ESYT1: variants seen among roughly 807,000 people sequenced by gnomAD.
ESYT1 encodes the protein extended synaptotagmin-1.
ESYT1 carries 116 observed loss-of-function variants against 154.2 expected under a neutral mutation model. The observed-to-expected ratio is 0.75, with a 90% CI of 0.65 to 0.88. ESYT1 has a LOEUF of 0.88. ESYT1 is among the 40% of genes least tolerant of loss of function. The probability of loss-of-function intolerance (pLI) is 0.00; values close to 1 mark genes in which losing one functional copy is unlikely to be tolerated. For synonymous variants in ESYT1, 500 were observed against 539.9 expected, an observed-to-expected ratio of 0.93 and a Z score of 1.02; for missense variants, 1,264 against 1,379.3, an observed-to-expected ratio of 0.92 and a Z score of 1.32.
intron 12 of ESYT1, 38 bp downstream of exon 12, chr12:56,133,712 A>C: frequency 6.2e-7 from 1 of 1,613,430 alleles, no homozygotes; most frequent in Non-Finnish European, 8.5e-7. Context: ...GCAGGGGAGA[A>C]ATAGGTAGCT....
intron 13 of ESYT1, 25 bp from the exon 14 acceptor site, chr12:56,134,085 G>C: frequency 6.2e-7 from 1 of 1,613,702 alleles, no homozygotes; most frequent in Non-Finnish European, 8.5e-7. Context: ...CCAAGATGGT[G>C]ACCTCTGAAT....
Position 56,132,432 on chromosome 12 carries a change from A to T in ESYT1, c.996A>T (p.Arg332=), listed in dbSNP as rs1565873262. 3 of 1,614,046 alleles carry T rather than the reference A, an allele frequency of 1.9e-6. No individual in the cohort carries two copies. Among genetic ancestry groups the T allele is most frequent in the Non-Finnish European group, 1.7e-6 (2 of 1,180,012 alleles). Residue 332 remains arginine, a synonymous_variant, in exon 9 of 31, where the codon CGA becomes CGT. Transcript: ENST00000394048. The part of the protein sequence containing the change: ...LRSPLPRGII[R]IHLLAARGLS... ...ATTCCTTCCTCCAGGGCATTATTCG[A>T]ATTCACCTGCTGGCTGCTCGAGGGC...
At chr12:56,139,887 CTT>C (rs764181208) in intron 24 of ESYT1, among the ~76,000 whole-genome samples, 1 of 143,802 alleles carries the variant, frequency 7.0e-6, no homozygotes, top group Admixed American at 7.0e-5. Context: ...TGCACCCGGC[CTT>C]TTTTTTTTTA....
chr12:56,139,078 A>C, intron 24 of ESYT1, 65 bp downstream of exon 24: 1 of 1,259,272 alleles, frequency 7.9e-7, no homozygotes, highest in Non-Finnish European at 1.2e-6. Flanking sequence ...GAAACCAGGC[A>C]CAGAGCATTC....
chr12:56,128,297 C>A lies in ESYT1; in HGVS notation c.-23C>A. On this transcript the variant is annotated 5_prime_UTR_variant, in exon 1 of 31. Coordinates refer to ENST00000394048, the MANE Select transcript of ESYT1 (RefSeq NM_015292.3). ...ACCTCCAGCCAGTCCCTGGGTCGGG[C>A]GGATCCTCCCAGAGGTGGCACAATG... The A allele has an allele frequency of 6.3e-7, 1 of 1,591,420 alleles. No individual in the cohort carries two copies.
chr12:56,134,945 T>C (rs1358465708), intron 15 of ESYT1, among the ~76,000 whole-genome samples: 1 of 152,112 alleles, frequency 6.6e-6, no homozygotes, highest in Non-Finnish European at 1.5e-5. Flanking sequence ...TATGTGTGTC[T>C]TGTCTATGAA....
chr12:56,131,672 G>A (rs1464269260), intron 6 of ESYT1, 77 bp from the exon 7 acceptor site: 15 of 1,602,404 alleles, frequency 9.4e-6, no homozygotes, highest in East Asian at 2.2e-5. Context: ...CAAGAAGGCC[G>A]AGGGGTTCTG....
At chr12:56,135,313 G>A (rs562841679) in intron 15 of ESYT1, among the ~76,000 whole-genome samples, 30 of 151,016 alleles carry the variant, frequency 2.0e-4, no homozygotes, top group South Asian at 4.2e-4. Flanking sequence ...GGATTACAGG[G>A]ATGTGCCACC....
chr12:56,133,140 T>TA (rs1005964287), intron 10 of ESYT1, among the ~76,000 whole-genome samples: 3 of 151,312 alleles, frequency 2.0e-5, no homozygotes, highest in African/African-American at 4.9e-5. Flanking sequence ...AAAATAAAAA[T>TA]AAAAAAAATA....
At chr12:56,129,555 C>T (rs1050321638) in intron 1 of ESYT1, 1 of 152,406 alleles carries the variant, frequency 6.6e-6, no homozygotes, top group Non-Finnish European at 1.5e-5. Context: ...AGAGAGGAAT[C>T]AAAATTGACA....
intron 1 of ESYT1, chr12:56,129,165 C>A (rs2136866887): frequency 5.8e-6 from 1 of 171,336 alleles, no homozygotes; most frequent in Admixed American, 5.5e-5. Flanking sequence ...CCATACGGTT[C>A]TCTCTTTTCT....
chr12:56,128,342 G>A lies in ESYT1; in HGVS notation c.23G>A (p.Gly8Asp). 6.2e-7 allele frequency: 1 copy of A among 1,611,128 alleles called. No homozygotes were observed. The highest frequency in any genetic ancestry group is 8.5e-7 in the Non-Finnish European group (1 of 1,179,174). Reference protein sequence around the residue: MERSPGEGPSPSPMDQPS... With the variant: MERSPGEDPSPSPMDQPS... Reference sequence around the variant, plus strand: ...ACAATGGAGCGATCTCCAGGAGAGGGCCCCAGCCCCAGCCCCATGGACCAG... The same window carrying A: ...ACAATGGAGCGATCTCCAGGAGAGGACCCCAGCCCCAGCCCCATGGACCAG... Residue 8 changes from glycine to aspartate, a missense_variant, in exon 1 of 31, where the codon GGC (glycine) becomes GAC (aspartate). By Grantham distance (94) the Gly-to-Asp change is moderately conservative (BLOSUM62 -1). Coordinates refer to ENST00000394048, the MANE Select transcript of ESYT1 (RefSeq NM_015292.3).
Position 56,128,429 on chromosome 12 carries a change from G to A in ESYT1, c.110G>A (p.Gly37Asp), listed in dbSNP as rs745511283. The change falls in exon 1 of 31, where the codon GGT becomes GAT. Residue 37 changes from glycine to aspartate, a missense_variant. Gly to Asp is a moderately conservative substitution (Grantham distance 94, BLOSUM62 -1). Transcript: ENST00000394048. ...GCTGCTCACGCAAAGCCAGACCCAGGTTCTGGGGGCCAACCTGCTGGCCCT... is the reference window on the plus strand; with the variant it reads ...GCTGCTCACGCAAAGCCAGACCCAGATTCTGGGGGCCAACCTGCTGGCCCT... ...PPAAHAKPDPGSGGQPAGPGA... is the reference protein window; with the variant it reads ...PPAAHAKPDPDSGGQPAGPGA... The A allele has an allele frequency of 1.6e-5, 26 of 1,612,900 alleles. No individual in the cohort carries two copies. The highest frequency in any genetic ancestry group is 2.1e-5 in the Non-Finnish European group (25 of 1,179,444).
In ESYT1 at chr12:56,143,617, G is replaced by A; in HGVS notation, c.3263G>A (p.Gly1088Asp). 3 of 1,614,134 alleles carry A rather than the reference G, an allele frequency of 1.9e-6. No homozygotes were observed. The highest frequency in any genetic ancestry group is 2.5e-6 in the Non-Finnish European group (3 of 1,180,020). ...LDLAETDLSQGVARWYDLMDN... is the reference protein window; with the variant it reads ...LDLAETDLSQDVARWYDLMDN... ...CTAGCTGAGACAGACCTTTCCCAGGGTGTAGCCCGGTGGTGAGTGTCTGCG... is the reference window on the plus strand; with the variant it reads ...CTAGCTGAGACAGACCTTTCCCAGGATGTAGCCCGGTGGTGAGTGTCTGCG... Residue 1088 changes from glycine to aspartate, a missense_variant, in exon 30 of 31, where the codon GGT becomes GAT. Physicochemically the swap from Gly to Asp is moderately conservative, Grantham distance 94. Transcript: ENST00000394048.
Position 56,142,598 on chromosome 12 carries a change from G to A in ESYT1, c.2754G>A (p.Ser918=), listed in dbSNP as rs552134636. ...CCTAGATCCTGGTGTCCCAGCACTCGGGAGTGGAAGCTCATAGCCACAGCT... is the reference window on the plus strand; with the variant it reads ...CCTAGATCCTGGTGTCCCAGCACTCAGGAGTGGAAGCTCATAGCCACAGCT... ...AQLGILVSQH[S]GVEAHSHSYS... is the part of the protein sequence containing the mutation. Residue 918 remains serine, a synonymous_variant, in exon 26 of 31, where the codon TCG becomes TCA. Coordinates refer to ENST00000394048, the MANE Select transcript of ESYT1 (RefSeq NM_015292.3). The surrounding 1 kb of genome is among the most constrained non-coding windows in gnomAD (Gnocchi z 4.1). The A allele has an allele frequency of 9.0e-5, 146 of 1,614,094 alleles. No individual in the cohort carries two copies. The highest frequency in any genetic ancestry group is 7.7e-4 in the Admixed American group (46 of 60,028).
At position 56,144,070 on chromosome 12, in the gene ESYT1, GC is replaced by G; in HGVS notation, c.*212del. On this transcript the variant is annotated 3_prime_UTR_variant, in exon 31 of 31. Transcript: ENST00000394048. Reference sequence around the variant, plus strand: ...TACTGCACGGCCTTTATCCTTCTGGGCCCCTGGGGCGGGGACCTGAGCTGGC... The same window carrying G: ...TACTGCACGGCCTTTATCCTTCTGGGCCCTGGGGCGGGGACCTGAGCTGGC... 1 of 1,430,078 alleles carries G rather than the reference GC, an allele frequency of 7.0e-7. No homozygotes were observed. The highest frequency in any genetic ancestry group is 9.1e-7 in the Non-Finnish European group (1 of 1,095,624). 88.6% of individuals were successfully genotyped at this position (1,430,078 alleles called of 1,614,324 possible).
At chr12:56,140,068 A>G (rs1870628783) in intron 24 of ESYT1, among the ~76,000 whole-genome samples, 1 of 151,912 alleles carries the variant, frequency 6.6e-6, no homozygotes, top group African/African-American at 2.4e-5. Flanking sequence ...AGGTTTTACC[A>G]TGTCATCCAG....
chr12:56,144,412 A>G lies in ESYT1; in HGVS notation c.*550A>G. On this transcript the variant is annotated 3_prime_UTR_variant, in exon 31 of 31. Coordinates refer to ENST00000394048, the MANE Select transcript of ESYT1 (RefSeq NM_015292.3). The stretch of plus-strand genomic sequence containing the variant: ...CTGTCCTGAAAATTCTACTGCTTTG[A>G]TGGCTGGGGCCAGTCTCTTGTCACT... 1 of 988,522 alleles carries G rather than the reference A, an allele frequency of 1.0e-6. No homozygotes were observed. Among genetic ancestry groups the G allele is most frequent in the Non-Finnish European group, 1.2e-6 (1 of 831,846 alleles). 61.2% of individuals were successfully genotyped at this position (988,522 alleles called of 1,614,324 possible). A position where few individuals can be genotyped will look rare whatever the true frequency, so the allele number is the denominator to read the frequency against.
intron 24 of ESYT1, among the ~76,000 whole-genome samples, chr12:56,139,448 C>T (rs1870601481): frequency 2.0e-5 from 3 of 151,820 alleles, no homozygotes; most frequent in African/African-American, 4.8e-5. Flanking sequence ...AGCTCACACT[C>T]TGTTTTGGGA....
Sources: allele counts gnomAD v4.1 joint callset (sites outside exome capture counted in the v4.1 genomes callset), GRCh38; gene constraint gnomAD v4.1.1; non-coding constraint Gnocchi (gnomAD v3.1); transcripts MANE v1.5; gene names NCBI Gene and HGNC (gene_info 2026-07-23, HGNC 2026-07-21).